Variants in C19orf12 observed in about 807,000 individuals in gnomAD.
C19orf12 encodes chromosome 19 open reading frame 12.
In C19orf12, 2 loss-of-function variants were observed where a neutral mutation model predicts 3.8. That is an observed-to-expected ratio of 0.53 (90% CI 0.22 to 1.66). The LOEUF is 1.66. Among genes scored for constraint, C19orf12 ranks in the 40% most tolerant of loss-of-function variants. C19orf12 has a pLI of 0.20. For missense variants in C19orf12, 156 were observed against 188.8 expected (o/e 0.83, Z 1.02); for synonymous variants, 89 against 84.6 (o/e 1.05, Z -0.28).
chr19:29,702,195 G>T lies in C19orf12; in HGVS notation c.*517C>A, dbSNP rs1171392400. 2.0e-5 allele frequency: 9 copies of T among 454,096 alleles called. No individual in the cohort carries two copies. The highest frequency in any genetic ancestry group is 3.5e-5 in the Non-Finnish European group (8 of 226,874). 28.1% of individuals were successfully genotyped at this position (454,096 alleles called of 1,614,324 possible). A position where few individuals can be genotyped will look rare whatever the true frequency, so the allele number is the denominator to read the frequency against. On this transcript the variant is annotated 3_prime_UTR_variant, in exon 3 of 3. Coordinates refer to ENST00000323670, the MANE Select transcript of C19orf12 (RefSeq NM_031448.6). Reference sequence around the variant, plus strand: ...CCGTGGGGCCATTCGACAGTCCCTGGGTAGGGGACGGTTGCACTAGGAGGT... The same window carrying T: ...CCGTGGGGCCATTCGACAGTCCCTGTGTAGGGGACGGTTGCACTAGGAGGT...
rs779700423 is a variant in C19orf12 at position 29,702,832 on chromosome 19, C to T, written c.306G>A (p.Thr102=). ...CCAGCGCGGTCAGCTGCACGGCGTCCGTCCACTCCAGGTGCCTGATGATGG... is the reference window on the plus strand; with the variant it reads ...CCAGCGCGGTCAGCTGCACGGCGTCTGTCCACTCCAGGTGCCTGATGATGG... ...AAAIIRHLEW[T]DAVQLTALVM... is the part of the protein sequence containing the mutation. Residue 102 remains threonine (T), a synonymous_variant, in exon 3 of 3, where the codon ACG becomes ACA. Transcript: ENST00000323670. 38 of 1,614,012 alleles carry T rather than the reference C, an allele frequency of 2.4e-5. No homozygotes were observed. Among genetic ancestry groups the T allele is most frequent in the African/African-American group, 1.5e-4 (11 of 74,940 alleles).
intron 1 of C19orf12, 43 bp from the exon 2 acceptor site, chr19:29,708,466 G>C (rs1972497962): frequency 1.2e-6 from 2 of 1,606,326 alleles, no homozygotes; most frequent in Non-Finnish European, 1.7e-6. Flanking sequence ...ATGAGCATAA[G>C]AGTATTTCCA....
chr19:29,701,680 T>A lies in C19orf12; in HGVS notation c.*1032A>T, dbSNP rs2145617206. ...AGGCATACCTCATTCTACTATGCTT[T>A]GTGAATACTGTGTTTTTTTTTTAAA... On this transcript the variant is annotated 3_prime_UTR_variant, in exon 3 of 3. Transcript: ENST00000323670. The A allele has an allele frequency of 2.2e-6, 1 of 452,658 alleles. No homozygotes were observed. 28.0% of individuals were successfully genotyped at this position (452,658 alleles called of 1,614,324 possible). A position where few individuals can be genotyped will look rare whatever the true frequency, so the allele number is the denominator to read the frequency against.
chr19:29,705,031 C>A (rs1348446599), intron 2 of C19orf12, among the ~76,000 whole-genome samples: 1 of 152,174 alleles, frequency 6.6e-6, no homozygotes, highest in Non-Finnish European at 1.5e-5. Context: ...TCACTTTCAA[C>A]AGACAGAGTA....
In C19orf12 at chr19:29,710,461, A is replaced by G. The variant is rs369058207; in HGVS notation, c.-10-2038T>C. Among the ~76,000 whole-genome samples, 378 of 152,288 alleles carry G rather than the reference A, an allele frequency of 2.5e-3. 1 individual carries two copies. Among genetic ancestry groups the G allele is most frequent in the African/African-American group, 8.6e-3 (356 of 41,552 alleles). On this transcript the variant is annotated intron_variant, in intron 1 of 2. Coordinates refer to ENST00000323670, the MANE Select transcript of C19orf12 (RefSeq NM_031448.6). ...TCAGATACAGCCAGTATGGGAGGGT[A>G]AGATTCTGCATTTCCAACAAGCCCC...
In C19orf12 at chr19:29,702,538, T is replaced by G. The variant is rs756384033; in HGVS notation, c.*174A>C. The G allele has an allele frequency of 1.0e-5, 9 of 885,772 alleles. No homozygotes were observed. The highest frequency in any genetic ancestry group is 1.9e-5 in the Admixed American group (1 of 52,028). 54.9% of individuals were successfully genotyped at this position (885,772 alleles called of 1,614,324 possible). The stretch of plus-strand genomic sequence containing the variant: ...AACACATGCTGCTTCATCAGTAATT[T>G]CTGGAACATGACACTGCACAGCGGT... On this transcript the variant is annotated 3_prime_UTR_variant, in exon 3 of 3. Transcript: ENST00000323670.
At position 29,701,026 on chromosome 19, in the gene C19orf12, A is replaced by G. The variant is rs7255131; in HGVS notation, c.*1686T>C. On this transcript the variant is annotated 3_prime_UTR_variant, in exon 3 of 3. Transcript: ENST00000323670. ...CCCACTTTGGCCTCCAAAAGTGCCG[A>G]CATTACAAGCATGAGCCACCTCACC... The G allele has an allele frequency of 0.74, 335,170 of 453,952 alleles. 126,402 individuals are homozygous for G. The highest frequency in any genetic ancestry group is 0.94 in the African/African-American group (46,887 of 50,108). 28.1% of individuals were successfully genotyped at this position (453,952 alleles called of 1,614,324 possible).
chr19:29,702,403 C>T lies in C19orf12; in HGVS notation c.*309G>A, dbSNP rs1278146406. 9 of 575,072 alleles carry T rather than the reference C, an allele frequency of 1.6e-5. No homozygotes were observed. The highest frequency in any genetic ancestry group is 3.7e-5 in the African/African-American group (2 of 54,330). The allele number at this position is 575,072 out of a possible 1,614,324, so 35.6% of individuals were successfully genotyped here. On this transcript the variant is annotated 3_prime_UTR_variant, in exon 3 of 3. Coordinates refer to ENST00000323670, the MANE Select transcript of C19orf12 (RefSeq NM_031448.6). ...GCGTGATCACTTCCCCAGACCCATG[C>T]GGGTGAGAGGACTCAGCAGACGCCT...
Position 29,702,039 on chromosome 19 carries a change from A to G in C19orf12, c.*673T>C, listed in dbSNP as rs1972114275. 1 of 452,688 alleles carries G rather than the reference A, an allele frequency of 2.2e-6. No individual in the cohort carries two copies. Among genetic ancestry groups the G allele is most frequent in the Admixed American group, 2.4e-5 (1 of 42,488 alleles). 28.0% of individuals were successfully genotyped at this position (452,688 alleles called of 1,614,324 possible). A position where few individuals can be genotyped will look rare whatever the true frequency, so the allele number is the denominator to read the frequency against. ...TATTTCATTTGAGAAGTAAACCTCAAGAACTACCAGGACTTTTCAGATGGG... is the reference window on the plus strand; with the variant it reads ...TATTTCATTTGAGAAGTAAACCTCAGGAACTACCAGGACTTTTCAGATGGG... On this transcript the variant is annotated 3_prime_UTR_variant, in exon 3 of 3. Coordinates refer to ENST00000323670, the MANE Select transcript of C19orf12 (RefSeq NM_031448.6).
rs1204615230 is a variant in C19orf12, at chr19:29,701,188, C to T, written c.*1524G>A. ...TTTTTAGAAAAACATTTATTGTAAT[C>T]GATCACATTCAAGTCGTAGTTCTGA... On this transcript the variant is annotated 3_prime_UTR_variant, in exon 3 of 3. Transcript: ENST00000323670. The T allele has an allele frequency of 4.4e-6, 2 of 453,908 alleles. No homozygotes were observed. The highest frequency in any genetic ancestry group is 2.0e-5 in the African/African-American group (1 of 49,968). The allele number at this position is 453,908 out of a possible 1,614,324, so 28.1% of individuals were successfully genotyped here.
Position 29,702,578 on chromosome 19 carries a change from G to T in C19orf12, c.*134C>A. On this transcript the variant is annotated 3_prime_UTR_variant, in exon 3 of 3. Coordinates refer to ENST00000323670, the MANE Select transcript of C19orf12 (RefSeq NM_031448.6). The stretch of plus-strand genomic sequence containing the variant: ...TGCACAGCGGTGGCCTCTCCAGCGG[G>T]ACATTACTAGTAATACACTGATGAT... 8.2e-7 allele frequency: 1 copy of T among 1,217,944 alleles called. No individual in the cohort carries two copies. The highest frequency in any genetic ancestry group is 1.2e-6 in the Non-Finnish European group (1 of 825,220). 75.4% of individuals were successfully genotyped at this position (1,217,944 alleles called of 1,614,324 possible). A position where few individuals can be genotyped will look rare whatever the true frequency, so the allele number is the denominator to read the frequency against.
At chr19:29,715,053 C>A in intron 1 of C19orf12, 72 bp downstream of exon 1, 1 of 663,070 alleles carries the variant, frequency 1.5e-6, no homozygotes, top group South Asian at 1.6e-5. Context: ...CAGGCCTGCT[C>A]TTGGGGTGCC....
Position 29,702,973 on chromosome 19 carries a change from C to T in C19orf12, c.165G>A (p.Gly55=), listed in dbSNP as rs201194487. 8.7e-5 allele frequency: 140 copies of T among 1,613,868 alleles called. No individual in the cohort carries two copies. The highest frequency in any genetic ancestry group is 6.0e-4 in the African/African-American group (45 of 74,894). ...AGGCACCTAACAGCCCCCCGACAGC[C>T]CCCCCTAGAAAACATGGAATCGTTC... ...VGGPPGLAVG[G]AVGGLLGAWM... is the part of the protein sequence containing the mutation. Residue 55 remains glycine, a synonymous_variant, in exon 3 of 3, where the codon GGG becomes GGA. Transcript: ENST00000323670.
intron 2 of C19orf12, chr19:29,705,336 G>C (rs1972314909): frequency 2.2e-6 from 1 of 445,374 alleles, no homozygotes; most frequent in Admixed American, 2.4e-5. Context: ...AAGTGTTAAA[G>C]GCCAGAGGAG....
chr19:29,705,062 T>C (rs570443070), intron 2 of C19orf12, among the ~76,000 whole-genome samples: 1 of 152,290 alleles, frequency 6.6e-6, no homozygotes, highest in South Asian at 2.1e-4. Flanking sequence ...AACAGAAACT[T>C]TGCAGTGGAA....
intron 1 of C19orf12, among the ~76,000 whole-genome samples, chr19:29,712,278 C>T (rs1347323762): frequency 2.0e-5 from 3 of 151,980 alleles, no homozygotes; most frequent in Non-Finnish European, 2.9e-5. Flanking sequence ...TCATGGTGCT[C>T]GCCTGTAATC....
intron 2 of C19orf12, among the ~76,000 whole-genome samples, chr19:29,704,230 G>C (rs1315295203): frequency 6.6e-6 from 1 of 152,162 alleles, no homozygotes; most frequent in Non-Finnish European, 1.5e-5. Flanking sequence ...AGCACTTTGA[G>C]AGGCCGAGGT....
chr19:29,702,530 C>T lies in C19orf12; in HGVS notation c.*182G>A. 1.2e-6 allele frequency: 1 copy of T among 836,378 alleles called. No individual in the cohort carries two copies. Among genetic ancestry groups the T allele is most frequent in the Non-Finnish European group, 2.0e-6 (1 of 502,752 alleles). 51.8% of individuals were successfully genotyped at this position (836,378 alleles called of 1,614,324 possible). A position where few individuals can be genotyped will look rare whatever the true frequency, so the allele number is the denominator to read the frequency against. On this transcript the variant is annotated 3_prime_UTR_variant, in exon 3 of 3. Coordinates refer to ENST00000323670, the MANE Select transcript of C19orf12 (RefSeq NM_031448.6). Reference sequence around the variant, plus strand: ...ATGCCACCAACACATGCTGCTTCATCAGTAATTTCTGGAACATGACACTGC... The same window carrying T: ...ATGCCACCAACACATGCTGCTTCATTAGTAATTTCTGGAACATGACACTGC...
chr19:29,708,644 T>A, intron 1 of C19orf12: 4 of 612,178 alleles, frequency 6.5e-6, no homozygotes, highest in Middle Eastern at 4.4e-4. Flanking sequence ...GCTGAGTGGA[T>A]GAAAGGTCTT....
Sources: gnomAD v4.1 joint callset for allele counts (sites outside exome capture counted in the v4.1 genomes callset) on GRCh38, gnomAD v4.1.1 for gene constraint, MANE v1.5 for transcripts, NCBI Gene and HGNC (gene_info 2026-07-23, HGNC 2026-07-21) for gene names.